ABCA1: variants seen among roughly 807,000 people sequenced by gnomAD.
The protein encoded by ABCA1 is phospholipid-transporting ATPase ABCA1.
A neutral mutation model predicts 262.5 loss-of-function variants in ABCA1; 133 were observed. The ratio of observed to expected loss-of-function variants is 0.51; its 90% CI spans 0.44 to 0.59. The LOEUF is 0.59. ABCA1 is among the 20% of genes least tolerant of loss of function. ABCA1 has a pLI of 0.00. For missense variants in ABCA1, 2,452 were observed against 2,777.5 expected, an observed-to-expected ratio of 0.88 and a Z score of 2.63; for synonymous variants, 1,022 against 1,043.5, an observed-to-expected ratio of 0.98 and a Z score of 0.40.
intron 9 of ABCA1, among the ~76,000 whole-genome samples, chr9:104,838,664 T>A (rs905873257): frequency 6.6e-5 from 10 of 151,788 alleles, no homozygotes; most frequent in Admixed American, 3.3e-4. Context: ...CTAGTATATG[T>A]ACACTTAACA....
intron 21 of ABCA1, 78 bp downstream of exon 21, chr9:104,819,849 G>A (rs1564127294): frequency 2.5e-6 from 4 of 1,608,620 alleles, no homozygotes; most frequent in South Asian, 1.1e-5. Context: ...GGACCCTGGG[G>A]CAGTGCTGAT....
chr9:104,825,862 C>A lies in ABCA1; in HGVS notation c.2363G>T (p.Gly788Val). ...FASLLSPVAF[G>V]FGCEYFALFE... The stretch of plus-strand genomic sequence containing the variant: ...AAGGGCAAAGTACTCACAGCCAAAC[C>A]CAAAAGCCACAGGAGACAGCAGGCT... The change falls in exon 17 of 50, where the codon GGG (glycine) becomes GTG (valine). Residue 788 changes from glycine (G) to valine (V), a missense_variant. Around this residue, in one of 4 missense-constraint regions of ABCA1, gnomAD observed 1,032 missense variants for 1,089.7 expected, o/e 0.95. Coordinates refer to ENST00000374736, the MANE Select transcript of ABCA1 (RefSeq NM_005502.4). 3 of 1,614,096 alleles carry A rather than the reference C, an allele frequency of 1.9e-6. No individual in the cohort carries two copies. The highest frequency in any genetic ancestry group is 2.5e-6 in the Non-Finnish European group (3 of 1,180,030).
chr9:104,918,851 C>G (rs1841981956), intron 1 of ABCA1, among the ~76,000 whole-genome samples: 1 of 152,148 alleles, frequency 6.6e-6, no homozygotes, highest in African/African-American at 2.4e-5. Flanking sequence ...AATACCAGAT[C>G]CAACAGATTT....
rs1006589584 is a variant in ABCA1, at chr9:104,824,545, G to A, written c.2576C>T (p.Pro859Leu). Residue 859 changes from proline (P) to leucine (L), a missense_variant, in exon 18 of 50, where the codon CCT (proline) becomes CTT (leucine). This residue lies in a region of ABCA1 where 1,032 missense variants were observed against 1,089.7 expected (regional missense o/e 0.95). Coordinates refer to ENST00000374736, the MANE Select transcript of ABCA1 (RefSeq NM_005502.4). ...QYGIPRPWYF[P>L]CTKSYWFGEE... is the part of the protein sequence containing the mutation. ...GCCAAACCAGTAGGACTTGGTGCAA[G>A]GAAAATACCAGGGCCTGGGAATTCC... The A allele has an allele frequency of 1.2e-6, 2 of 1,613,950 alleles. No individual in the cohort carries two copies.
intron 8 of ABCA1, among the ~76,000 whole-genome samples, chr9:104,842,051 C>G (rs2119040274): frequency 6.6e-6 from 1 of 152,330 alleles, no homozygotes; most frequent in Admixed American, 6.5e-5. Flanking sequence ...GCTCCATATG[C>G]CTAGCTTTCA....
At chr9:104,854,551 T>C (rs554337198) in intron 7 of ABCA1, among the ~76,000 whole-genome samples, 3 of 152,044 alleles carry the variant, frequency 2.0e-5, no homozygotes, top group Non-Finnish European at 4.4e-5. Context: ...CCAAAACAGA[T>C]TGGAGGTTTC....
chr9:104,865,890 C>T (rs1220534958), intron 5 of ABCA1, among the ~76,000 whole-genome samples: 5 of 152,122 alleles, frequency 3.3e-5, no homozygotes, highest in Admixed American at 6.5e-5. Context: ...CTTCGAGGAA[C>T]TTTCAAGGCT....
intron 5 of ABCA1, among the ~76,000 whole-genome samples, chr9:104,882,462 C>T (rs559829848): frequency 2.0e-5 from 3 of 152,310 alleles, no homozygotes; most frequent in East Asian, 3.9e-4. Flanking sequence ...TCAGAAAATG[C>T]CCACTCCCCA....
At chr9:104,819,878 A>G in intron 21 of ABCA1, 49 bp downstream of exon 21, 1 of 1,609,280 alleles carries the variant, frequency 6.2e-7, no homozygotes, top group South Asian at 1.1e-5. Context: ...GCATGTGTGT[A>G]GCCGGAGGAG....
chr9:104,903,743 ACAG>A lies in ABCA1; in HGVS notation c.-67_-65del. The A allele has an allele frequency of 6.8e-7, 1 of 1,464,062 alleles. No individual in the cohort carries two copies. Among genetic ancestry groups the A allele is most frequent in the Non-Finnish European group, 9.4e-7 (1 of 1,068,718 alleles). 90.7% of individuals were successfully genotyped at this position (1,464,062 alleles called of 1,614,324 possible). A position where few individuals can be genotyped will look rare whatever the true frequency, so the allele number is the denominator to read the frequency against. ...CCCTGGAAGGCAGCGGCCAGAGCTC[ACAG>A]CAGGGACGCCGTGGCTGGTCATTAA... On this transcript the variant is annotated 5_prime_UTR_variant, in exon 2 of 50. Transcript: ENST00000374736.
At chr9:104,832,917 T>C in intron 11 of ABCA1, 146 bp from the exon 12 acceptor site, 1 of 778,548 alleles carries the variant, frequency 1.3e-6, no homozygotes, top group South Asian at 1.5e-5. Flanking sequence ...CTATTTTATA[T>C]GTGAGAAGAC....
In ABCA1 at chr9:104,837,025, CT is replaced by C. The variant is rs752285753; in HGVS notation, c.1265del (p.Lys422ArgfsTer35). On this transcript the variant is annotated frameshift_variant, in exon 11 of 50. Coordinates refer to ENST00000374736, the MANE Select transcript of ABCA1 (RefSeq NM_005502.4). LOFTEE classifies it high-confidence loss of function. Reference protein sequence around the residue: ...LEGMWEELSPKIWTFMENSQE... With the variant: ...LEGMWEELSPXIWTFMENSQE... The stretch of plus-strand genomic sequence containing the variant: ...GGCTGTTCTCCATGAAGGTCCAGAT[CT>C]TGGGGCTGAGTTCCTCCCACATGCC... The C allele has an allele frequency of 6.2e-7, 1 of 1,614,168 alleles. No individual in the cohort carries two copies. Among genetic ancestry groups the C allele is most frequent in the African/African-American group, 1.3e-5 (1 of 75,058 alleles).
intron 10 of ABCA1, 70 bp downstream of exon 10, chr9:104,837,358 T>C: frequency 6.2e-7 from 1 of 1,600,632 alleles, no homozygotes; most frequent in Non-Finnish European, 8.5e-7. Flanking sequence ...CCTCTGAAGC[T>C]ACCTTGAGTT....
intron 45 of ABCA1, 37 bp downstream of exon 45, chr9:104,788,389 C>T (rs749478592): frequency 1.2e-6 from 2 of 1,613,828 alleles, no homozygotes; most frequent in East Asian, 4.5e-5. Context: ...GTCAGGATGC[C>T]AAAGGAGACA....
chr9:104,903,884 C>A, intron 1 of ABCA1, 113 bp from the exon 2 acceptor site: 1 of 614,330 alleles, frequency 1.6e-6, no homozygotes, highest in Non-Finnish European at 2.9e-6. Flanking sequence ...CACAGCTCTG[C>A]ATCATGACTG....
chr9:104,856,066 A>C, intron 7 of ABCA1: 1 of 1,601,174 alleles, frequency 6.2e-7, no homozygotes, highest in Non-Finnish European at 8.5e-7. Flanking sequence ...CCCATGTGCA[A>C]TGTCATCACA....
At position 104,784,193 on chromosome 9, in the gene ABCA1, A is replaced by G. The variant is rs1417026708; in HGVS notation, c.*122T>C. 1 of 1,258,972 alleles carries G rather than the reference A, an allele frequency of 7.9e-7. No individual in the cohort carries two copies. Among genetic ancestry groups the G allele is most frequent in the African/African-American group, 1.5e-5 (1 of 67,724 alleles). 78.0% of individuals were successfully genotyped at this position (1,258,972 alleles called of 1,614,324 possible). A position where few individuals can be genotyped will look rare whatever the true frequency, so the allele number is the denominator to read the frequency against. On this transcript the variant is annotated 3_prime_UTR_variant, in exon 50 of 50. Coordinates refer to ENST00000374736, the MANE Select transcript of ABCA1 (RefSeq NM_005502.4). ...TTGCATTGCATTGAATAGTATCAGT[A>G]CAGTATCCAGTTTACTTCTTCCCAC... is the stretch of plus-strand genomic sequence containing the variant.
rs146665725 is a variant in ABCA1 at position 104,879,200 on chromosome 9, C to A, written c.421+3839G>T. Among the ~76,000 whole-genome samples, 142 of 152,332 alleles carry A rather than the reference C, an allele frequency of 9.3e-4. 2 individuals are homozygous for A. Among genetic ancestry groups the A allele is most frequent in the African/African-American group, 3.3e-3 (139 of 41,572 alleles). The stretch of plus-strand genomic sequence containing the variant: ...ATCAGCCAGTCTATTTCAACTGCTG[C>A]ATAAATTGCAAGGCAGAAGAACAAG... On this transcript the variant is annotated intron_variant, in intron 5 of 49. Transcript: ENST00000374736.
chr9:104,905,370 T>C (rs1482949093), intron 1 of ABCA1, among the ~76,000 whole-genome samples: 1 of 152,212 alleles, frequency 6.6e-6, no homozygotes, highest in East Asian at 1.9e-4. Flanking sequence ...TTAAAACTTC[T>C]AGAAAAGTCA....
Sources: allele counts gnomAD v4.1 joint callset (sites outside exome capture counted in the v4.1 genomes callset), GRCh38; gene constraint gnomAD v4.1.1; regional missense constraint gnomAD v4.1.1; transcripts MANE v1.5; gene names NCBI Gene and HGNC (gene_info 2026-07-23, HGNC 2026-07-21).